PIP4K2A: variants seen among roughly 807,000 people sequenced by gnomAD.
PIP4K2A encodes phosphatidylinositol-5-phosphate 4-kinase type 2 alpha.
Under a neutral mutation model 42.9 loss-of-function variants are expected in PIP4K2A, and 14 were observed. The ratio of observed to expected loss-of-function variants is 0.33; its 90% CI spans 0.22 to 0.51. The LOEUF (loss-of-function observed/expected upper bound fraction) is 0.51, where lower values mean the gene tolerates loss of function less well. PIP4K2A is among the 20% of genes least tolerant of loss of function. PIP4K2A has a pLI of 0.97. For synonymous variants in PIP4K2A, 192 were observed against 192.2 expected, an observed-to-expected ratio of 1.00 and a Z score of 0.01; for missense variants, 434 against 519.8, an observed-to-expected ratio of 0.83 and a Z score of 1.61.
chr10:22,690,237 C>A (rs1034904189), intron 1 of PIP4K2A, among the ~76,000 whole-genome samples: 2 of 152,100 alleles, frequency 1.3e-5, no homozygotes, highest in Non-Finnish European at 2.9e-5. Flanking sequence ...CTAATACTAC[C>A]CACGTTGTAT....
chr10:22,655,489 G>A (rs1186853882), intron 1 of PIP4K2A, among the ~76,000 whole-genome samples: 2 of 152,216 alleles, frequency 1.3e-5, no homozygotes, highest in Non-Finnish European at 2.9e-5. Flanking sequence ...GTTCACAGCT[G>A]TGCGGTCTTT....
At chr10:22,714,016 C>CCGCG (rs1833963538) in intron 1 of PIP4K2A, 167 bp downstream of exon 1, 1 of 656,490 alleles carries the variant, frequency 1.5e-6, no homozygotes, top group South Asian at 2.0e-5. Flanking sequence ...GCCCAGAGGG[C>CCGCG]TGGGGGCACG....
chr10:22,667,599 G>A (rs1185103132), intron 1 of PIP4K2A, among the ~76,000 whole-genome samples: 1 of 152,032 alleles, frequency 6.6e-6, no homozygotes, highest in African/African-American at 2.4e-5. Context: ...CACATTCCAT[G>A]AGATACACAT....
chr10:22,639,799 T>G (rs1838739604), intron 1 of PIP4K2A, among the ~76,000 whole-genome samples: 1 of 152,172 alleles, frequency 6.6e-6, no homozygotes, highest in South Asian at 2.1e-4. Context: ...AAAGTTGTAT[T>G]TCATTCACAA....
chr10:22,633,334 C>G (rs774037510), intron 1 of PIP4K2A, among the ~76,000 whole-genome samples: 1 of 152,174 alleles, frequency 6.6e-6, no homozygotes, highest in African/African-American at 2.4e-5. Context: ...AAGCTGCTTA[C>G]GAGGTAGATG....
At chr10:22,640,251 T>A (rs1838753123) in intron 1 of PIP4K2A, among the ~76,000 whole-genome samples, 2 of 152,164 alleles carry the variant, frequency 1.3e-5, no homozygotes, top group Non-Finnish European at 2.9e-5. Flanking sequence ...TCATAAATCA[T>A]CAAAGAAGGA....
intron 7 of PIP4K2A, among the ~76,000 whole-genome samples, chr10:22,545,906 G>C (rs1394599379): frequency 6.6e-6 from 1 of 152,142 alleles, no homozygotes; most frequent in Non-Finnish European, 1.5e-5. Flanking sequence ...GGATCTTGCT[G>C]TGTTGTCCAG....
At chr10:22,606,612 A>T (rs755098878) in intron 3 of PIP4K2A, among the ~76,000 whole-genome samples, 4 of 152,244 alleles carry the variant, frequency 2.6e-5, no homozygotes, top group Admixed American at 1.3e-4. Context: ...GTGGGAGCAC[A>T]GATCTTTAGG....
At chr10:22,705,815 G>A (rs1833813556) in intron 1 of PIP4K2A, among the ~76,000 whole-genome samples, 1 of 151,790 alleles carries the variant, frequency 6.6e-6, no homozygotes, top group Non-Finnish European at 1.5e-5. Flanking sequence ...AGCTGCATAT[G>A]CCTTTCCCCA....
intron 6 of PIP4K2A, among the ~76,000 whole-genome samples, chr10:22,554,977 C>T (rs1016221212): frequency 3.9e-5 from 6 of 152,160 alleles, no homozygotes; most frequent in South Asian, 2.1e-4. Flanking sequence ...TAATCTGCTG[C>T]GGTGGGTTGG....
intron 7 of PIP4K2A, among the ~76,000 whole-genome samples, chr10:22,547,238 T>C (rs1239062451): frequency 6.6e-6 from 1 of 152,236 alleles, no homozygotes; most frequent in Admixed American, 6.5e-5. Flanking sequence ...TTAACGGTTA[T>C]ATCTTACCAC....
rs570107415 is a variant in PIP4K2A at position 22,566,717 on chromosome 10, T to A, written c.678+1134A>T. On this transcript the variant is annotated intron_variant, in intron 6 of 9. Transcript: ENST00000376573. Reference sequence around the variant, plus strand: ...ATGCCCTTGCACCTGCCGCTCTTCCTCTGACTAACTCCTATTGATCCTTCA... The same window carrying A: ...ATGCCCTTGCACCTGCCGCTCTTCCACTGACTAACTCCTATTGATCCTTCA... 2.0e-4 allele frequency among the ~76,000 whole-genome samples: 30 copies of A among 152,286 alleles called. No homozygotes were observed. The South Asian group carries it at 6.0e-3, about 31-fold the overall frequency.
chr10:22,541,035 T>C (rs1289956446), intron 8 of PIP4K2A, among the ~76,000 whole-genome samples: 2 of 152,252 alleles, frequency 1.3e-5, no homozygotes, highest in Non-Finnish European at 2.9e-5. Context: ...GTTTTTATTA[T>C]TCAAAAACCA....
At chr10:22,568,409 A>C (rs1272267404) in intron 5 of PIP4K2A, among the ~76,000 whole-genome samples, 3 of 17,520 alleles carry the variant, frequency 1.7e-4, no homozygotes, top group African/African-American at 1.3e-3. Flanking sequence ...CTCCCGTCTT[A>C]AGAGTTACTG....
chr10:22,664,469 G>T (rs913217437), intron 1 of PIP4K2A, among the ~76,000 whole-genome samples: 2 of 147,820 alleles, frequency 1.4e-5, no homozygotes, highest in Admixed American at 6.8e-5. Context: ...ACTTTTTCTT[G>T]GTGATCACAC....
intron 4 of PIP4K2A, among the ~76,000 whole-genome samples, chr10:22,581,565 T>TAAAAAAAA (rs531477426): frequency 3.3e-4 from 26 of 78,668 alleles, no homozygotes; most frequent in African/African-American, 1.3e-3. Context: ...ATCCTATCTC[T>TAAAAAAAA]AAAAAAAAAA....
intron 7 of PIP4K2A, among the ~76,000 whole-genome samples, chr10:22,542,623 A>C (rs1836151250): frequency 6.6e-6 from 1 of 152,232 alleles, no homozygotes; most frequent in African/African-American, 2.4e-5. Flanking sequence ...ACGAAGCACC[A>C]CACATCCAGG....
At chr10:22,584,342 C>G (rs573766751) in intron 4 of PIP4K2A, among the ~76,000 whole-genome samples, 1 of 150,358 alleles carries the variant, frequency 6.7e-6, no homozygotes, top group Non-Finnish European at 1.5e-5. Flanking sequence ...AAGATTAGAA[C>G]AGTTGAAGAG....
intron 1 of PIP4K2A, among the ~76,000 whole-genome samples, chr10:22,692,937 C>T (rs1046094791): frequency 5.9e-5 from 9 of 152,350 alleles, no homozygotes; most frequent in Middle Eastern, 6.8e-3. Context: ...TCTCTGTTTA[C>T]AGCCAGGCTG....
Sources: allele counts gnomAD v4.1 joint callset (sites outside exome capture counted in the v4.1 genomes callset), GRCh38; gene constraint gnomAD v4.1.1; transcripts MANE v1.5; gene names NCBI Gene and HGNC (gene_info 2026-07-23, HGNC 2026-07-21).